The following WIPI2 variants were observed in gnomAD, a reference collection of about 807,000 sequenced individuals.
WIPI2 encodes WD repeat domain, phosphoinositide interacting 2, also known as WD repeat domain phosphoinositide-interacting protein 2.
WIPI2 carries 28 observed loss-of-function variants against 52.3 expected under a neutral mutation model. The observed-to-expected ratio is 0.54, with a 90% confidence interval of 0.40 to 0.73. The LOEUF is 0.73. Ranked by LOEUF, WIPI2 falls within the 30% of genes least tolerant of loss-of-function variation. The pLI is 0.00. For synonymous variants in WIPI2, 268 were observed against 245.0 expected (o/e 1.09, Z -0.88); for missense variants, 506 against 602.9 (o/e 0.84, Z 1.68).
At chr7:5,225,741 G>A in intron 8 of WIPI2, 82 bp from the exon 9 acceptor site, 1 of 956,718 alleles carries the variant, frequency 1.0e-6, no homozygotes, top group Non-Finnish European at 1.6e-6. Flanking sequence ...CCCGTGACAG[G>A]AACTCTTCTC....
intron 3 of WIPI2, among the ~76,000 whole-genome samples, chr7:5,213,779 G>A (rs771510477): frequency 1.3e-5 from 2 of 151,844 alleles, no homozygotes; most frequent in Non-Finnish European, 1.5e-5. Context: ...TCCGTCCCCC[G>A]GGTTCACACC....
chr7:5,221,191 C>G (rs1583582164), intron 7 of WIPI2, among the ~76,000 whole-genome samples: 1 of 151,950 alleles, frequency 6.6e-6, no homozygotes, highest in South Asian at 2.1e-4. Context: ...TGGAACTCCT[C>G]ACCTCAGGTG....
intron 5 of WIPI2, 89 bp from the exon 6 acceptor site, chr7:5,217,001 C>T (rs1782846687): frequency 1.5e-6 from 2 of 1,319,830 alleles, no homozygotes; most frequent in Admixed American, 1.9e-5. Context: ...TCCTAATGCT[C>T]TGTTAAATGA....
At chr7:5,226,952 G>T in intron 9 of WIPI2, 1 of 562,314 alleles carries the variant, frequency 1.8e-6, no homozygotes, top group South Asian at 2.2e-5. Flanking sequence ...GCCAAAGGCT[G>T]TAGCTCCTCC....
chr7:5,194,679 T>C (rs1781656204), intron 2 of WIPI2, among the ~76,000 whole-genome samples: 1 of 152,210 alleles, frequency 6.6e-6, no homozygotes. Context: ...TTCACTTTGT[T>C]GCCCCAACTG....
intron 3 of WIPI2, among the ~76,000 whole-genome samples, chr7:5,204,902 G>GT (rs1349223460): frequency 1.3e-5 from 2 of 152,064 alleles, no homozygotes; most frequent in East Asian, 3.9e-4. Context: ...TCTTGAACTC[G>GT]TGGGCTCAGG....
At position 5,217,849 on chromosome 7, in the gene WIPI2, G is replaced by T. The variant is rs188850716; in HGVS notation, c.577-73G>T. The T allele has an allele frequency of 1.0e-5, 15 of 1,459,068 alleles. No homozygotes were observed. In the African/African-American group the frequency reaches 1.8e-4, roughly 18 times the overall value. 90.4% of individuals were successfully genotyped at this position (1,459,068 alleles called of 1,614,324 possible). A position where few individuals can be genotyped will look rare whatever the true frequency, so the allele number is the denominator to read the frequency against. The stretch of plus-strand genomic sequence containing the variant: ...TTAGGAACAGCTAATTGGCACTTGC[G>T]GACCAAGTGTCAGCCCTGGGGCGTG... On this transcript the variant is annotated intron_variant, in intron 6 of 12. Transcript: ENST00000288828.
rs900778396 is a variant in WIPI2, at chr7:5,190,269, C to A, written c.-151C>A. ...CCCGGCTCTGGAGCATAAACAAGAG[C>A]GGGGACGGGATGAGGCGGCGGTTGA... On this transcript the variant is annotated 5_prime_UTR_variant, in exon 1 of 13. Transcript: ENST00000288828. The A allele has an allele frequency of 2.6e-6, 1 of 381,286 alleles. No homozygotes were observed. The highest frequency in any genetic ancestry group is 4.2e-6 in the Non-Finnish European group (1 of 235,392). The allele number at this position is 381,286 out of a possible 1,614,324, so 23.6% of individuals were successfully genotyped here.
At chr7:5,213,970 C>T (rs948198587) in intron 3 of WIPI2, among the ~76,000 whole-genome samples, 4 of 152,244 alleles carry the variant, frequency 2.6e-5, no homozygotes, top group Non-Finnish European at 5.9e-5. Flanking sequence ...CAGGCGTGAG[C>T]CACCGCGCCC....
At chr7:5,199,256 A>G (rs887076099) in intron 2 of WIPI2, among the ~76,000 whole-genome samples, 3 of 152,014 alleles carry the variant, frequency 2.0e-5, no homozygotes, top group African/African-American at 7.3e-5. Context: ...TGCCCAGGCT[A>G]ATCTTGAACT....
chr7:5,206,953 T>A (rs183958174), intron 3 of WIPI2, among the ~76,000 whole-genome samples: 1 of 152,078 alleles, frequency 6.6e-6, no homozygotes, highest in Non-Finnish European at 1.5e-5. Flanking sequence ...AATTTTTCGA[T>A]TTTTTTGTAG....
At chr7:5,226,280 G>A (rs894797031) in intron 9 of WIPI2, 8 of 252,790 alleles carry the variant, frequency 3.2e-5, no homozygotes, top group Non-Finnish European at 5.4e-5. Context: ...TGAATGGCTC[G>A]TCTCTTACCT....
chr7:5,220,571 C>T (rs1350415641), intron 7 of WIPI2, among the ~76,000 whole-genome samples: 1 of 151,916 alleles, frequency 6.6e-6, no homozygotes, highest in African/African-American at 2.4e-5. Context: ...AGAGATAGTG[C>T]AGTGGCATGA....
intron 3 of WIPI2, among the ~76,000 whole-genome samples, chr7:5,206,375 G>C (rs1782297009): frequency 6.6e-6 from 1 of 152,178 alleles, no homozygotes; most frequent in Non-Finnish European, 1.5e-5. Context: ...AAGCAAAATG[G>C]TAGAAAGTTA....
intron 2 of WIPI2, among the ~76,000 whole-genome samples, chr7:5,197,054 G>C (rs1047629863): frequency 1.6e-5 from 2 of 128,280 alleles, no homozygotes; most frequent in African/African-American, 5.6e-5. Context: ...AGAGGTTTCA[G>C]TGAGCCAGGA....
intron 8 of WIPI2, 128 bp from the exon 9 acceptor site, chr7:5,225,695 A>G (rs1261333944): frequency 1.6e-6 from 1 of 619,910 alleles, no homozygotes; most frequent in East Asian, 2.8e-5. Flanking sequence ...GAAGGTGGCT[A>G]GAGGGGAATA....
rs370419348 is a variant in WIPI2 at position 5,222,598 on chromosome 7, A to C, written c.670-4A>C. The C allele has an allele frequency of 3.1e-6, 5 of 1,613,556 alleles. No individual in the cohort carries two copies. The African/African-American group carries it at 6.7e-5, about 22-fold the overall frequency. ...AATTCTTCTTTTCTCTTTTCCTTCC[A>C]CAGGGGACCGTGATTAGGGTATTTT... is the stretch of plus-strand genomic sequence containing the variant. On this transcript the variant is annotated splice_region_variant and splice_polypyrimidine_tract_variant and intron_variant, in intron 7 of 12. Transcript: ENST00000288828.
At position 5,222,819 on chromosome 7, in the gene WIPI2, G is replaced by A. The variant is rs41280681; in HGVS notation, c.740+147G>A. The A allele has an allele frequency of 7.4e-3, 5,521 of 746,290 alleles. 29 individuals carry two copies. Among genetic ancestry groups the A allele is most frequent in the Non-Finnish European group, 9.8e-3 (4,376 of 445,036 alleles). 46.2% of individuals were successfully genotyped at this position (746,290 alleles called of 1,614,324 possible). On this transcript the variant is annotated intron_variant, in intron 8 of 12. Transcript: ENST00000288828. ...CTGGGTCACCGGGTAAGATCTGGGCGTCGGTCTTGTCATGGGAATTGAAGA... is the reference window on the plus strand; with the variant it reads ...CTGGGTCACCGGGTAAGATCTGGGCATCGGTCTTGTCATGGGAATTGAAGA...
rs770513661 is a variant in WIPI2 at position 5,217,301 on chromosome 7, TTTTG to T, written c.576+130_576+133del. On this transcript the variant is annotated intron_variant, in intron 6 of 12. Coordinates refer to ENST00000288828, the MANE Select transcript of WIPI2 (RefSeq NM_015610.4). Reference sequence around the variant, plus strand: ...GCTCAGCAATACAACCGCTGCACTTTTTTGTTTGTTTGTTTGTTTTTGAGACAGG... The same window carrying T: ...GCTCAGCAATACAACCGCTGCACTTTTTTGTTTGTTTGTTTTTGAGACAGG... 1.3e-4 allele frequency: 141 copies of T among 1,104,240 alleles called. 1 individual carries two copies. Among genetic ancestry groups the T allele is most frequent in the Middle Eastern group, 2.6e-4 (1 of 3,846 alleles). 68.4% of individuals were successfully genotyped at this position (1,104,240 alleles called of 1,614,324 possible).
Sources: gnomAD v4.1 joint callset for allele counts (sites outside exome capture counted in the v4.1 genomes callset) on GRCh38, gnomAD v4.1.1 for gene constraint, MANE v1.5 for transcripts, NCBI Gene and HGNC (gene_info 2026-07-23, HGNC 2026-07-21) for gene names.